The following TAFA2 variants were observed in gnomAD, a reference collection of about 807,000 sequenced individuals.
TAFA2 encodes TAFA chemokine like family member 2.
A neutral mutation model predicts 18.8 loss-of-function variants in TAFA2; 7 were observed. That is an observed-to-expected ratio of 0.37 (90% CI 0.21 to 0.70). TAFA2 has a LOEUF of 0.70. TAFA2 is among the 30% of genes least tolerant of loss of function. The pLI, the probability that TAFA2 is intolerant of heterozygous loss-of-function variation, is 0.53. For synonymous variants in TAFA2, 60 were observed against 54.2 expected (o/e 1.11, Z -0.47); for missense variants, 122 against 158.1 (o/e 0.77, Z 1.23).
intron 2 of TAFA2, among the ~76,000 whole-genome samples, chr12:61,838,109 C>G (rs1447568144): frequency 6.6e-6 from 1 of 151,934 alleles, no homozygotes; most frequent in Non-Finnish European, 1.5e-5. Context: ...GGTGGTAGAA[C>G]AGTCAATGTA....
intron 1 of TAFA2, among the ~76,000 whole-genome samples, chr12:62,033,755 C>T (rs1881525537): frequency 6.6e-6 from 1 of 151,990 alleles, no homozygotes; most frequent in Non-Finnish European, 1.5e-5. Context: ...CCTGAGATGC[C>T]TTTCCCTACA....
chr12:62,060,040 A>T (rs1882303308), intron 1 of TAFA2, among the ~76,000 whole-genome samples: 1 of 152,132 alleles, frequency 6.6e-6, no homozygotes, highest in African/African-American at 2.4e-5. Flanking sequence ...ACACACATTT[A>T]TTGTTTCACA....
intron 1 of TAFA2, among the ~76,000 whole-genome samples, chr12:62,009,029 T>C (rs1237417233): frequency 6.6e-6 from 1 of 152,206 alleles, no homozygotes; most frequent in Non-Finnish European, 1.5e-5. Flanking sequence ...ATTGTAAATG[T>C]ACACACATTA....
intron 1 of TAFA2, among the ~76,000 whole-genome samples, chr12:61,939,771 C>G (rs1044010802): frequency 2.0e-5 from 3 of 152,198 alleles, no homozygotes; most frequent in East Asian, 1.9e-4. Context: ...TTCACCCACT[C>G]AAAGCACAAG....
intron 4 of TAFA2, among the ~76,000 whole-genome samples, chr12:61,734,258 G>T (rs187921732): frequency 8.0e-5 from 12 of 150,214 alleles, no homozygotes; most frequent in Non-Finnish European, 1.6e-4. Context: ...GTAAACTATC[G>T]CAAGGACAAA....
intron 1 of TAFA2, among the ~76,000 whole-genome samples, chr12:61,902,784 A>G (rs1876164430): frequency 6.6e-6 from 1 of 152,162 alleles, no homozygotes; most frequent in South Asian, 2.1e-4. Flanking sequence ...CCAGTTAGGT[A>G]GCTAACAGGC....
intron 1 of TAFA2, among the ~76,000 whole-genome samples, chr12:61,994,154 C>T: frequency 6.6e-6 from 1 of 152,100 alleles, no homozygotes; most frequent in East Asian, 1.9e-4. Flanking sequence ...ACCTTTTCCA[C>T]CCCCCACTTT....
At chr12:62,081,554 G>A (rs922034348) in intron 1 of TAFA2, among the ~76,000 whole-genome samples, 4 of 151,708 alleles carry the variant, frequency 2.6e-5, no homozygotes, top group Admixed American at 2.6e-4. Context: ...GTGCAATCTC[G>A]ACTCACTACA....
At chr12:61,985,224 A>G (rs1218653739) in intron 1 of TAFA2, among the ~76,000 whole-genome samples, 1 of 152,228 alleles carries the variant, frequency 6.6e-6, no homozygotes, top group Admixed American at 6.5e-5. Flanking sequence ...TGCTGGACTT[A>G]TTTTGAGTTA....
At chr12:62,175,936 T>C (rs1359030833) in intron 1 of TAFA2, among the ~76,000 whole-genome samples, 2 of 151,694 alleles carry the variant, frequency 1.3e-5, no homozygotes, top group Non-Finnish European at 2.9e-5. Flanking sequence ...AAAAAAGAAT[T>C]CAACCTGTTC....
At chr12:61,771,025 T>C (rs1235739587) in intron 2 of TAFA2, among the ~76,000 whole-genome samples, 2 of 151,978 alleles carry the variant, frequency 1.3e-5, no homozygotes, top group African/African-American at 4.8e-5. Context: ...AGGACACACA[T>C]AAACTTAAGG....
chr12:62,221,520 T>A (rs905063150), intron 1 of TAFA2, among the ~76,000 whole-genome samples: 1 of 152,088 alleles, frequency 6.6e-6, no homozygotes, highest in Admixed American at 6.5e-5. Flanking sequence ...AATAGATCAA[T>A]GACTCAGGAT....
chr12:61,879,675 T>C, intron 1 of TAFA2: 2 of 1,039,292 alleles, frequency 1.9e-6, no homozygotes, highest in East Asian at 4.7e-5. Context: ...CAGAACAGGA[T>C]GCTGGAGGCC....
chr12:61,929,445 C>T (rs1877456323), intron 1 of TAFA2, among the ~76,000 whole-genome samples: 1 of 152,022 alleles, frequency 6.6e-6, no homozygotes, highest in Admixed American at 6.6e-5. Context: ...CAAATCAAAA[C>T]CACAATGAGA....
At chr12:61,759,517 GGAACC>G (rs1361329461) in intron 2 of TAFA2, among the ~76,000 whole-genome samples, 3 of 151,982 alleles carry the variant, frequency 2.0e-5, no homozygotes, top group Non-Finnish European at 2.9e-5. Flanking sequence ...GAAGAGACAT[GGAACC>G]GACTCACCAC....
chr12:62,125,790 T>A (rs1592351914), intron 1 of TAFA2, among the ~76,000 whole-genome samples: 1 of 152,256 alleles, frequency 6.6e-6, no homozygotes. Flanking sequence ...CCTGTATGAC[T>A]TTGAACAAGT....
intron 1 of TAFA2, among the ~76,000 whole-genome samples, chr12:62,182,843 T>G (rs1012644008): frequency 6.6e-6 from 1 of 152,248 alleles, no homozygotes; most frequent in African/African-American, 2.4e-5. Context: ...TAATTATTTC[T>G]TTTCAGACCT....
intron 1 of TAFA2, among the ~76,000 whole-genome samples, chr12:62,149,440 G>A (rs547283679): frequency 2.0e-5 from 3 of 151,944 alleles, no homozygotes; most frequent in East Asian, 1.9e-4. Context: ...ATTCTGAACC[G>A]AAAGGATTTT....
chr12:61,874,549 TG>T (rs1335893548), intron 1 of TAFA2, among the ~76,000 whole-genome samples: 1 of 152,144 alleles, frequency 6.6e-6, no homozygotes, highest in Non-Finnish European at 1.5e-5. Flanking sequence ...GCAATTCTGG[TG>T]GGCACAAAAA....
Sources: allele counts gnomAD v4.1 joint callset (sites outside exome capture counted in the v4.1 genomes callset), GRCh38; gene constraint gnomAD v4.1.1; transcripts MANE v1.5; gene names NCBI Gene and HGNC (gene_info 2026-07-23, HGNC 2026-07-21).